PTK2: variants seen among roughly 807,000 people sequenced by gnomAD.
PTK2 encodes protein tyrosine kinase 2, also known as focal adhesion kinase 1.
PTK2 carries 45 observed loss-of-function variants against 150.1 expected under a neutral mutation model. The observed-to-expected ratio is 0.30, with a 90% CI of 0.24 to 0.38. The LOEUF (loss-of-function observed/expected upper bound fraction) is 0.38. Ranked by LOEUF, PTK2 falls within the 10% of genes least tolerant of loss-of-function variation. The pLI is 1.00. For synonymous variants in PTK2, 432 were observed against 449.2 expected, an observed-to-expected ratio of 0.96 and a Z score of 0.48; for missense variants, 919 against 1,307.3, an observed-to-expected ratio of 0.70 and a Z score of 4.58.
chr8:140,946,417 G>C (rs1002178915), intron 1 of PTK2, among the ~76,000 whole-genome samples: 1 of 152,168 alleles, frequency 6.6e-6, no homozygotes, highest in Non-Finnish European at 1.5e-5. Context: ...CCACGTAAGA[G>C]AGAGAAAATC....
intron 1 of PTK2, among the ~76,000 whole-genome samples, chr8:140,990,704 T>C (rs2100195406): frequency 2.0e-5 from 3 of 152,236 alleles, no homozygotes; most frequent in African/African-American, 7.2e-5. Flanking sequence ...ATTTTAATTT[T>C]GTTTATCCCT....
chr8:140,869,956 T>C (rs962122786), intron 4 of PTK2, among the ~76,000 whole-genome samples: 2 of 152,048 alleles, frequency 1.3e-5, no homozygotes, highest in African/African-American at 4.8e-5. Context: ...GTGTATAATA[T>C]ATACAATTAA....
intron 14 of PTK2, chr8:140,771,041 A>C: frequency 5.5e-6 from 1 of 181,006 alleles, no homozygotes; most frequent in East Asian, 1.6e-4. Context: ...AAGACGTAAG[A>C]ATCTCCCAGC....
At chr8:140,964,485 C>CTCCTACA (rs2100184512) in intron 1 of PTK2, among the ~76,000 whole-genome samples, 2 of 151,414 alleles carry the variant, frequency 1.3e-5, no homozygotes, top group African/African-American at 4.9e-5. Context: ...TCATGCGATT[C>CTCCTACA]TCCTACATCG....
At chr8:140,993,710 C>T (rs1238527319) in intron 1 of PTK2, among the ~76,000 whole-genome samples, 1 of 152,110 alleles carries the variant, frequency 6.6e-6, no homozygotes, top group Non-Finnish European at 1.5e-5. Context: ...AGACCCTAGG[C>T]ACAGATAACC....
intron 1 of PTK2, among the ~76,000 whole-genome samples, chr8:140,966,101 T>C (rs1161683725): frequency 6.6e-6 from 1 of 152,256 alleles, no homozygotes; most frequent in Admixed American, 6.5e-5. Flanking sequence ...TGAATTATTC[T>C]GACACTCTTG....
At chr8:140,941,694 T>C (rs2100175829) in intron 1 of PTK2, among the ~76,000 whole-genome samples, 1 of 152,022 alleles carries the variant, frequency 6.6e-6, no homozygotes, top group Admixed American at 6.6e-5. Context: ...TACCACAAAG[T>C]AGTAATGAGC....
chr8:140,795,316 T>C (rs1483769513), intron 12 of PTK2, among the ~76,000 whole-genome samples: 1 of 152,162 alleles, frequency 6.6e-6, no homozygotes, highest in African/African-American at 2.4e-5. Flanking sequence ...TTACAATGCC[T>C]TTACATCCTG....
At chr8:140,759,801 T>A (rs1453965096) in intron 16 of PTK2, among the ~76,000 whole-genome samples, 1 of 151,834 alleles carries the variant, frequency 6.6e-6, no homozygotes, top group Non-Finnish European at 1.5e-5. Context: ...CATGATTGCG[T>A]CACTGCACTC....
intron 5 of PTK2, among the ~76,000 whole-genome samples, chr8:140,853,501 C>T (rs1198046868): frequency 6.6e-6 from 1 of 151,874 alleles, no homozygotes; most frequent in East Asian, 1.9e-4. Context: ...TCATCCATGT[C>T]CCTACAAAGG....
chr8:140,938,822 C>T (rs1427189614), intron 1 of PTK2, among the ~76,000 whole-genome samples: 9 of 152,100 alleles, frequency 5.9e-5, no homozygotes, highest in Non-Finnish European at 1.2e-4. Flanking sequence ...CAATAAAATC[C>T]ACTTATAAAC....
At chr8:140,690,304 T>C (rs533081220) in intron 26 of PTK2, among the ~76,000 whole-genome samples, 1 of 152,158 alleles carries the variant, frequency 6.6e-6, no homozygotes, top group Non-Finnish European at 1.5e-5. Context: ...CAGGTCAGAG[T>C]GCAGCGACTA....
intron 30 of PTK2, among the ~76,000 whole-genome samples, chr8:140,667,459 TC>T (rs1193744650): frequency 1.8e-4 from 13 of 72,968 alleles, no homozygotes; most frequent in Admixed American, 1.1e-3. Flanking sequence ...TTTCTCTCTC[TC>T]TCTCTCTTTT....
At chr8:140,818,549 T>G (rs1319150027) in intron 9 of PTK2, among the ~76,000 whole-genome samples, 195 bp from the exon 10 acceptor site, 1 of 152,222 alleles carries the variant, frequency 6.6e-6, no homozygotes, top group Non-Finnish European at 1.5e-5. Flanking sequence ...AAGTGCACTG[T>G]GCTTATTCCA....
At chr8:140,822,878 TA>T (rs1486924627) in intron 8 of PTK2, among the ~76,000 whole-genome samples, 6 of 152,324 alleles carry the variant, frequency 3.9e-5, no homozygotes, top group East Asian at 3.9e-4. Context: ...TATGGATGAA[TA>T]AAATCTAGTT....
At chr8:140,685,508 C>T (rs905405065) in intron 27 of PTK2, among the ~76,000 whole-genome samples, 1 of 152,166 alleles carries the variant, frequency 6.6e-6, no homozygotes, top group Non-Finnish European at 1.5e-5. Context: ...GGTCTAATAT[C>T]CAGCATCTAT....
chr8:140,756,849 C>A lies in PTK2; in HGVS notation c.1332+4316G>T, dbSNP rs565267886. 3.4e-5 allele frequency among the ~76,000 whole-genome samples: 5 copies of A among 146,546 alleles called. No individual in the cohort carries two copies. The South Asian group carries it at 8.7e-4, about 25-fold the overall frequency. On this transcript the variant is annotated intron_variant, in intron 16 of 31. Coordinates refer to ENST00000522684, the Ensembl canonical transcript of PTK2. ...CTAAAAATACAAAAAATTAGCCGGG[C>A]GTGGTGGTGGGCGCTTGTAGTCCCA... is the stretch of plus-strand genomic sequence containing the variant.
In PTK2 at chr8:140,752,387, C is replaced by T. The variant is rs980700722; in HGVS notation, c.1333-71G>A. ...TGCTATATTAATTGATTCATGAAAA[C>T]CTGTCTGTTTTGCAACTATGTGGGT... On this transcript the variant is annotated intron_variant, in intron 16 of 31. Transcript: ENST00000522684. 9.1e-6 allele frequency: 13 copies of T among 1,430,244 alleles called. No individual in the cohort carries two copies. The Admixed American group carries it at 2.3e-4, about 25-fold the overall frequency. The allele number at this position is 1,430,244 out of a possible 1,614,324, so 88.6% of individuals were successfully genotyped here.
At chr8:140,772,418 C>T (rs1002875198) in intron 14 of PTK2, among the ~76,000 whole-genome samples, 1 of 152,192 alleles carries the variant, frequency 6.6e-6, no homozygotes, top group Non-Finnish European at 1.5e-5. Flanking sequence ...GAGGGAGACC[C>T]TGTCTCGCCA....
Sources: gnomAD v4.1 joint callset for allele counts (sites outside exome capture counted in the v4.1 genomes callset) on GRCh38, gnomAD v4.1.1 for gene constraint, MANE v1.5 for transcripts, NCBI Gene and HGNC (gene_info 2026-07-23, HGNC 2026-07-21) for gene names.